SERPINB10: variants seen among roughly 807,000 people sequenced by gnomAD.
SERPINB10 encodes the protein serpin B10.
A neutral mutation model predicts 39.1 loss-of-function variants in SERPINB10; 35 were observed. That is an observed-to-expected ratio of 0.90 (90% CI 0.68 to 1.19). The LOEUF (loss-of-function observed/expected upper bound fraction) is 1.19. SERPINB10 is among the 50% of genes most tolerant of loss of function. The pLI, the probability that SERPINB10 is intolerant of heterozygous loss-of-function variation, is 0.00. For missense variants in SERPINB10, 546 were observed against 460.5 expected, an observed-to-expected ratio of 1.19 and a Z score of -1.70; for synonymous variants, 190 against 158.1, an observed-to-expected ratio of 1.20 and a Z score of -1.52.
chr18:63,917,546 T>G (rs1487481667), intron 3 of SERPINB10, 25 bp downstream of exon 3: 4 of 1,305,174 alleles, frequency 3.1e-6, no homozygotes, highest in Non-Finnish European at 4.2e-6. Context: ...TTAATATATA[T>G]TTCATAATTA....
chr18:63,912,046 C>T (rs2050068838), intron 1 of SERPINB10, among the ~76,000 whole-genome samples: 1 of 151,168 alleles, frequency 6.6e-6, no homozygotes, highest in African/African-American at 2.4e-5. Context: ...TTTTGGCTAT[C>T]ATAAATGGAA....
chr18:63,918,023 A>C lies in SERPINB10; in HGVS notation c.293A>C (p.Glu98Ala). 1 of 1,612,460 alleles carries C rather than the reference A, an allele frequency of 6.2e-7. No individual in the cohort carries two copies. The highest frequency in any genetic ancestry group is 8.5e-7 in the Non-Finnish European group (1 of 1,179,004). The change falls in exon 4 of 8, where the codon GAA (glutamate) becomes GCA (alanine). Residue 98 changes from glutamate to alanine, a missense_variant. Transcript: ENST00000238508. The part of the protein sequence containing the change: ...IHSDFQTLIS[E>A]ILKPNDDYLL... ...TCTGATTTCCAAACACTTATCTCAG[A>C]AATCCTCAAGCCCAACGATGACTAC...
At chr18:63,933,500 A>C (rs529250216) in intron 7 of SERPINB10, among the ~76,000 whole-genome samples, 18 of 152,354 alleles carry the variant, frequency 1.2e-4, no homozygotes, top group Non-Finnish European at 2.9e-5. Flanking sequence ...CAACAGATAC[A>C]AATATACCTT....
intron 5 of SERPINB10, among the ~76,000 whole-genome samples, chr18:63,928,629 C>T (rs118185850): frequency 0.023 from 3,511 of 152,092 alleles, 164 homozygotes; most frequent in East Asian, 0.2. Flanking sequence ...TGTAAATGAC[C>T]TTGGGCAGTA....
chr18:63,915,491 A>G lies in SERPINB10; in HGVS notation c.-9-11A>G. ...TAATATGCTCTCTAATTTTTGCTTT[A>G]TTTTTCTTAGGTTTCCTCAATGGAC... On this transcript the variant is annotated splice_polypyrimidine_tract_variant and intron_variant, in intron 1 of 7. Coordinates refer to ENST00000238508, the MANE Select transcript of SERPINB10 (RefSeq NM_005024.3). 1 of 1,572,464 alleles carries G rather than the reference A, an allele frequency of 6.4e-7. No homozygotes were observed. The highest frequency in any genetic ancestry group is 1.4e-5 in the African/African-American group (1 of 72,774).
At chr18:63,915,360 T>G in intron 1 of SERPINB10, 142 bp from the exon 2 acceptor site, 1 of 484,860 alleles carries the variant, frequency 2.1e-6, no homozygotes, top group East Asian at 3.3e-5. Context: ...ATACTATTAT[T>G]GGACTAGAAT....
At position 63,933,108 on chromosome 18, in the gene SERPINB10, G is replaced by A; in HGVS notation, c.694G>A (p.Glu232Lys). The A allele has an allele frequency of 6.2e-7, 1 of 1,613,920 alleles. No homozygotes were observed. The highest frequency in any genetic ancestry group is 1.6e-4 in the Middle Eastern group (1 of 6,062). The change falls in exon 7 of 8, where the codon GAA becomes AAA. Residue 232 changes from glutamate (E) to lysine (K), a missense_variant. Glu to Lys is a moderately conservative substitution (Grantham distance 56, BLOSUM62 1). Coordinates refer to ENST00000238508, the MANE Select transcript of SERPINB10 (RefSeq NM_005024.3). ...MKKKLHIFHI[E>K]KPKAVGLQLY... The stretch of plus-strand genomic sequence containing the variant: ...GAAAAAGCTTCACATTTTTCACATA[G>A]AAAAGCCAAAAGCAGTGGGCCTTCA...
At chr18:63,916,457 T>C (rs937951986) in intron 2 of SERPINB10, among the ~76,000 whole-genome samples, 2 of 151,776 alleles carry the variant, frequency 1.3e-5, no homozygotes, top group African/African-American at 4.8e-5. Flanking sequence ...AAAGTATGGA[T>C]ATGAACACGG....
In SERPINB10 at chr18:63,930,183, A is replaced by G; in HGVS notation, c.629A>G (p.Asn210Ser). 2 of 1,612,272 alleles carry G rather than the reference A, an allele frequency of 1.2e-6. No homozygotes were observed. Among genetic ancestry groups the G allele is most frequent in the Non-Finnish European group, 1.7e-6 (2 of 1,179,208 alleles). ...QNTTEKPFRI[N>S]ETTSKPVQMM... ...ACCACAGAAAAGCCTTTTAGAATAAACGAGGTAGGAAATTTTTAAAGATCA... is the reference window on the plus strand; with the variant it reads ...ACCACAGAAAAGCCTTTTAGAATAAGCGAGGTAGGAAATTTTTAAAGATCA... The change falls in exon 6 of 8, where the codon AAC (asparagine) becomes AGC (serine). Residue 210 changes from asparagine (N) to serine (S), a missense_variant. Asn to Ser is a conservative substitution (Grantham distance 46). Transcript: ENST00000238508.
chr18:63,931,736 A>G (rs1393585984), intron 6 of SERPINB10, among the ~76,000 whole-genome samples: 1 of 152,168 alleles, frequency 6.6e-6, no homozygotes, highest in Non-Finnish European at 1.5e-5. Flanking sequence ...TATTTGTTAT[A>G]ATTGATGATC....
chr18:63,928,411 T>A (rs1418789870), intron 5 of SERPINB10, among the ~76,000 whole-genome samples: 1 of 152,124 alleles, frequency 6.6e-6, no homozygotes, highest in African/African-American at 2.4e-5. Flanking sequence ...GGAGAGAATG[T>A]ATTCGGGGTT....
intron 4 of SERPINB10, among the ~76,000 whole-genome samples, chr18:63,918,801 G>A (rs144604146): frequency 1.0e-3 from 158 of 152,062 alleles, no homozygotes; most frequent in African/African-American, 3.6e-3. Flanking sequence ...GAATCTTAAA[G>A]ACAGTTTCCT....
chr18:63,919,067 TC>T (rs112574809), intron 4 of SERPINB10, among the ~76,000 whole-genome samples: 18 of 152,116 alleles, frequency 1.2e-4, no homozygotes, highest in African/African-American at 4.3e-4. Context: ...TCACTTTTTC[TC>T]CTACAAGCCC....
At chr18:63,913,638 T>C (rs1183897362) in intron 1 of SERPINB10, among the ~76,000 whole-genome samples, 1 of 152,128 alleles carries the variant, frequency 6.6e-6, no homozygotes, top group East Asian at 1.9e-4. Context: ...GAGAGTATAG[T>C]TGGTACAATT....
In SERPINB10 at chr18:63,921,253, G is replaced by A. The variant is rs1599083094; in HGVS notation, c.490+1348G>A. On this transcript the variant is annotated intron_variant, in intron 5 of 7. Transcript: ENST00000238508. ...TGTGTCTAAGCACATGGAATGTTTT[G>A]CTGTCTTCTCCTCTGAACTTCAGGG... Among the ~76,000 whole-genome samples the A allele has an allele frequency of 5.3e-5, 8 of 151,960 alleles. No individual in the cohort carries two copies. In the South Asian group the frequency reaches 1.7e-3, roughly 32 times the overall value.
intron 1 of SERPINB10, among the ~76,000 whole-genome samples, chr18:63,915,137 T>C (rs1461231486): frequency 6.6e-6 from 1 of 152,052 alleles, no homozygotes; most frequent in African/African-American, 2.4e-5. Context: ...AATATTTTGC[T>C]CTCAATAAGC....
At position 63,917,482 on chromosome 18, in the gene SERPINB10, A is replaced by T; in HGVS notation, c.195A>T (p.Gly65=). The change falls in exon 3 of 8, where the codon GGA becomes GGT. Residue 65 remains glycine (G), a synonymous_variant. Coordinates refer to ENST00000238508, the MANE Select transcript of SERPINB10 (RefSeq NM_005024.3). ...AQVLQFNRDQ[G]VKCDPESEKK... is the part of the protein sequence containing the mutation. ...TGCTTCAATTTAACAGAGACCAGGG[A>T]GTCAAATGTGACCCTGAAAGTGAAA... The T allele has an allele frequency of 1.3e-6, 2 of 1,585,048 alleles. No homozygotes were observed. Among genetic ancestry groups the T allele is most frequent in the Non-Finnish European group, 1.7e-6 (2 of 1,164,668 alleles).
At chr18:63,919,992 A>G (rs988899121) in intron 5 of SERPINB10, 87 bp downstream of exon 5, 25 of 731,422 alleles carry the variant, frequency 3.4e-5, no homozygotes, top group Non-Finnish European at 5.8e-5. Context: ...AAGTATGTAT[A>G]CTCCTTAAAT....
rs529867579 is a variant in SERPINB10, at chr18:63,916,353, A to T, written c.168+675A>T. Among the ~76,000 whole-genome samples the T allele has an allele frequency of 4.2e-3, 629 of 151,478 alleles. 4 individuals are homozygous for T. Among genetic ancestry groups the T allele is most frequent in the African/African-American group, 0.015 (603 of 41,400 alleles). On this transcript the variant is annotated intron_variant, in intron 2 of 7. Transcript: ENST00000238508. ...ATATAAATGTGATTTTAAATAAAAA[A>T]AAAAAAAAACAGAAGGAGTAAACTC... is the stretch of plus-strand genomic sequence containing the variant.
Sources: allele counts gnomAD v4.1 joint callset (sites outside exome capture counted in the v4.1 genomes callset), GRCh38; gene constraint gnomAD v4.1.1; transcripts MANE v1.5; gene names NCBI Gene and HGNC (gene_info 2026-07-23, HGNC 2026-07-21).